Variants in SPTBN2 observed in about 807,000 individuals in gnomAD.
The protein encoded by SPTBN2 is spectrin beta, non-erythrocytic 2, also known as spectrin beta chain, non-erythrocytic 2.
In SPTBN2, 107 loss-of-function variants were observed where a neutral mutation model predicts 284.2. The observed-to-expected ratio is 0.38, with a 90% CI of 0.32 to 0.44. The LOEUF (loss-of-function observed/expected upper bound fraction) is 0.44, where lower values mean the gene tolerates loss of function less well. Among genes scored for constraint, SPTBN2 ranks in the 20% least tolerant of loss-of-function variants. The pLI, the probability that SPTBN2 is intolerant of heterozygous loss-of-function variation, is 1.00. For synonymous variants in SPTBN2, 1,289 were observed against 1,354.8 expected (o/e 0.95, Z 1.07); for missense variants, 2,569 against 3,287.1 (o/e 0.78, Z 5.34).
chr11:66,694,653 G>A (rs1460611100), intron 21 of SPTBN2, among the ~76,000 whole-genome samples: 2 of 152,134 alleles, frequency 1.3e-5, no homozygotes, highest in Non-Finnish European at 2.9e-5. Flanking sequence ...TAACAAACCT[G>A]CACCCACACC....
intron 20 of SPTBN2, 25 bp from the exon 21 acceptor site, chr11:66,696,565 A>C (rs745434233): frequency 6.2e-7 from 1 of 1,608,660 alleles, no homozygotes; most frequent in Admixed American, 1.7e-5. Context: ...AGAAAATGTC[A>C]AAGTGCCCAA....
intron 10 of SPTBN2, among the ~76,000 whole-genome samples, chr11:66,709,830 C>T (rs1590958279): frequency 6.6e-6 from 1 of 152,322 alleles, no homozygotes; most frequent in Admixed American, 6.5e-5. Flanking sequence ...ACAGCAATCA[C>T]ATACTTGGAA....
intron 15 of SPTBN2, among the ~76,000 whole-genome samples, chr11:66,704,268 G>A (rs1049943957): frequency 6.6e-6 from 1 of 152,070 alleles, no homozygotes; most frequent in Non-Finnish European, 1.5e-5. Flanking sequence ...CACCGTGCCC[G>A]GCCGCTTCCT....
chr11:66,694,100 G>A (rs749392189), intron 22 of SPTBN2, 39 bp downstream of exon 22: 2 of 1,596,936 alleles, frequency 1.3e-6, no homozygotes, highest in Non-Finnish European at 8.5e-7. Context: ...GAACCACATG[G>A]CTGGGGGCAG....
rs952304470 is a variant in SPTBN2, at chr11:66,691,912, C to T, written c.5191-254G>A. Among the ~76,000 whole-genome samples the T allele has an allele frequency of 3.3e-5, 5 of 152,250 alleles. No homozygotes were observed. Among genetic ancestry groups the T allele is most frequent in the Middle Eastern group, 6.8e-3 (2 of 294 alleles). On this transcript the variant is annotated intron_variant, in intron 26 of 37. Transcript: ENST00000533211. The surrounding 1 kb of genome is among the most constrained non-coding windows in gnomAD (Gnocchi z 8.0). ...ACCCTTAGGCTTCAGACAAGGATAC[C>T]CTAACTATGGTCCATATTTCTGTAC...
At chr11:66,713,792 T>C (rs1369361480) in intron 7 of SPTBN2, 46 bp from the exon 8 acceptor site, 1 of 1,476,998 alleles carries the variant, frequency 6.8e-7, no homozygotes, top group African/African-American at 1.4e-5. Flanking sequence ...ATGTGAGATC[T>C]CGAAGAGGAA....
At chr11:66,730,988 A>C (rs1476323419), upstream of SPTBN2, among the ~76,000 whole-genome samples, 3 of 152,184 alleles carry the variant, frequency 2.0e-5, no homozygotes, top group East Asian at 3.8e-4. Flanking sequence ...TTTTGGAGTC[A>C]GACTCCTTGG....
At chr11:66,735,288 G>T (rs1942844035) in intron 1 of SPTBN2, among the ~76,000 whole-genome samples, 1 of 151,200 alleles carries the variant, frequency 6.6e-6, no homozygotes, top group African/African-American at 2.4e-5. Flanking sequence ...AGTCGAGATT[G>T]TGCCACTACA....
At chr11:66,744,133 T>C (rs1465126569) in intron 1 of SPTBN2, among the ~76,000 whole-genome samples, 1 of 152,214 alleles carries the variant, frequency 6.6e-6, no homozygotes, top group South Asian at 2.1e-4. Flanking sequence ...AGTGCTGGGA[T>C]GACGGGCGTG....
intron 26 of SPTBN2, among the ~76,000 whole-genome samples, chr11:66,692,185 C>T (rs1940602482): frequency 6.6e-6 from 1 of 152,246 alleles, no homozygotes; most frequent in East Asian, 1.9e-4. Flanking sequence ...ATCCTCCCAC[C>T]TCAGCCTCCT....
exon 1 of SPTBN2, chr11:66,744,663 G>C: frequency 2.0e-6 from 1 of 494,662 alleles, no homozygotes; most frequent in Non-Finnish European, 2.8e-6. Context: ...GCGGTCTCGG[G>C]GCCCTGCAGC....
rs1770764885 is a variant in SPTBN2, at chr11:66,718,533, T to C, written c.157+2551A>G. 6.6e-6 allele frequency among the ~76,000 whole-genome samples: 1 copy of C among 152,158 alleles called. No homozygotes were observed. Among genetic ancestry groups the C allele is most frequent in the South Asian group, 2.1e-4 (1 of 4,834 alleles). On this transcript the variant is annotated intron_variant, in intron 3 of 37. Coordinates refer to ENST00000533211, the MANE Select transcript of SPTBN2 (RefSeq NM_006946.4). The surrounding 1 kb of genome is among the most constrained non-coding windows in gnomAD (Gnocchi z 4.8). ...GGTGAAAGCAGGAGGCCCCCGGGGT[T>C]GTGGGCCCCTTCCACAGCCTCATAG...
Position 66,717,815 on chromosome 11 carries a change from C to T in SPTBN2, c.158-1834G>A, listed in dbSNP as rs577587507. Among the ~76,000 whole-genome samples the T allele has an allele frequency of 2.6e-5, 4 of 152,308 alleles. No homozygotes were observed. The East Asian group carries it at 7.7e-4, about 29-fold the overall frequency. Reference sequence around the variant, plus strand: ...ACGTCACAAGACGCCCACAGCATCCCTAGATCCTTACACACACACACACAA... The same window carrying T: ...ACGTCACAAGACGCCCACAGCATCCTTAGATCCTTACACACACACACACAA... On this transcript the variant is annotated intron_variant, in intron 3 of 37. Coordinates refer to ENST00000533211, the MANE Select transcript of SPTBN2 (RefSeq NM_006946.4).
chr11:66,737,366 T>C (rs1942857522), intron 1 of SPTBN2, among the ~76,000 whole-genome samples: 1 of 152,226 alleles, frequency 6.6e-6, no homozygotes, highest in African/African-American at 2.4e-5. Context: ...ACAGCTAGCA[T>C]ACAAAGCACA....
rs529691347 is a variant in SPTBN2 at position 66,714,447 on chromosome 11, G to A, written c.484-40C>T. 74 of 1,529,458 alleles carry A rather than the reference G, an allele frequency of 4.8e-5. No homozygotes were observed. In the South Asian group the frequency reaches 7.6e-4, roughly 16 times the overall value. 94.7% of individuals were successfully genotyped at this position (1,529,458 alleles called of 1,614,324 possible). On this transcript the variant is annotated intron_variant, in intron 5 of 37. Transcript: ENST00000533211. Reference sequence around the variant, plus strand: ...AGCAGGGCCCTCAGTCCCTGGACAGGAACTCCTGGTGTTATCAGAGATGCT... The same window carrying A: ...AGCAGGGCCCTCAGTCCCTGGACAGAAACTCCTGGTGTTATCAGAGATGCT...
At chr11:66,690,721 T>C (rs1940483038) in intron 27 of SPTBN2, among the ~76,000 whole-genome samples, 1 of 151,822 alleles carries the variant, frequency 6.6e-6, no homozygotes, top group East Asian at 1.9e-4. Flanking sequence ...GCATGAAGAG[T>C]CTCCTGGCCA....
At chr11:66,689,775 G>C (rs1940406828) in intron 29 of SPTBN2, 30 bp downstream of exon 29, 1 of 1,611,452 alleles carries the variant, frequency 6.2e-7, no homozygotes, top group South Asian at 1.1e-5. Context: ...TGCACAGTGA[G>C]AATGGCCCGG....
chr11:66,740,475 A>G (rs1010451622), intron 1 of SPTBN2, among the ~76,000 whole-genome samples: 2 of 152,182 alleles, frequency 1.3e-5, no homozygotes, highest in South Asian at 4.1e-4. Context: ...ACCCCTGATA[A>G]GAAAGCAGAG....
rs1442477033 is a variant in SPTBN2, at chr11:66,698,837, T to C, written c.3868-52A>G. 5 of 1,609,886 alleles carry C rather than the reference T, an allele frequency of 3.1e-6. No homozygotes were observed. In the South Asian group the frequency reaches 5.5e-5, roughly 18 times the overall value. Reference sequence around the variant, plus strand: ...TTCCAAGGGAGGGGAGAGGGGGGCATAAAAGCAGGGCCACAGTGAGCCAGG... The same window carrying C: ...TTCCAAGGGAGGGGAGAGGGGGGCACAAAAGCAGGGCCACAGTGAGCCAGG... On this transcript the variant is annotated intron_variant, in intron 19 of 37. Coordinates refer to ENST00000533211, the MANE Select transcript of SPTBN2 (RefSeq NM_006946.4).
Sources: allele counts gnomAD v4.1 joint callset (sites outside exome capture counted in the v4.1 genomes callset), GRCh38; gene constraint gnomAD v4.1.1; non-coding constraint Gnocchi (gnomAD v3.1); transcripts MANE v1.5; gene names NCBI Gene and HGNC (gene_info 2026-07-23, HGNC 2026-07-21).